Variants in DISP1 observed in about 807,000 individuals in gnomAD.
DISP1 encodes the protein dispatched RND transporter family member 1.
A neutral mutation model predicts 37.3 loss-of-function variants in DISP1; 30 were observed. The observed-to-expected ratio is 0.80, with a 90% CI of 0.60 to 1.09. DISP1 has a LOEUF of 1.09. DISP1 is among the 50% of genes least tolerant of loss of function. The pLI is 0.00. For missense variants in DISP1, 1,598 were observed against 1,879.5 expected (o/e 0.85, Z 2.77); for synonymous variants, 634 against 690.2 (o/e 0.92, Z 1.28).
At chr1:223,002,300 A>G in intron 8 of DISP1, 85 bp from the exon 9 acceptor site, 1 of 1,244,008 alleles carries the variant, frequency 8.0e-7, no homozygotes, top group Non-Finnish European at 1.2e-6. Context: ...GTCCCTCAAG[A>G]TCACCTTAGT....
intron 8 of DISP1, among the ~76,000 whole-genome samples, chr1:222,998,117 G>A (rs568605997): frequency 4.6e-5 from 7 of 151,722 alleles, no homozygotes; most frequent in South Asian, 4.2e-4. Flanking sequence ...TTAACAGTTC[G>A]ACTTTCAGAA....
intron 8 of DISP1, among the ~76,000 whole-genome samples, chr1:223,000,497 T>C (rs1679356290): frequency 6.6e-6 from 1 of 152,232 alleles, no homozygotes; most frequent in Non-Finnish European, 1.5e-5. Flanking sequence ...AAAGTAAATA[T>C]TATTTTAGTA....
At chr1:222,952,796 G>A (rs141018758) in intron 3 of DISP1, among the ~76,000 whole-genome samples, 2,090 of 152,200 alleles carry the variant, frequency 0.014, 44 homozygotes, top group African/African-American at 0.046. Flanking sequence ...GCAGTGAGCC[G>A]AGATCGCGCC....
rs1428517392 is a variant in DISP1 at position 222,834,518 on chromosome 1, C to T, written c.-159+19440C>T. On this transcript the variant is annotated intron_variant, in intron 1 of 8. Transcript: ENST00000675850. ...TGGGTCCAGGGAAAGATGATCTAGA[C>T]CATAAAGGCGTACACGAGGTCTTAC... 2.6e-5 allele frequency among the ~76,000 whole-genome samples: 4 copies of T among 152,092 alleles called. No individual in the cohort carries two copies. The East Asian group carries it at 7.7e-4, about 29-fold the overall frequency.
At chr1:222,895,264 A>G (rs749189035) in intron 1 of DISP1, among the ~76,000 whole-genome samples, 1 of 152,212 alleles carries the variant, frequency 6.6e-6, no homozygotes, top group Non-Finnish European at 1.5e-5. Flanking sequence ...TGAAGTTATC[A>G]GGGAAATTCT....
intron 1 of DISP1, among the ~76,000 whole-genome samples, chr1:222,834,092 CTT>C (rs1252571168): frequency 1.3e-5 from 2 of 152,266 alleles, no homozygotes; most frequent in East Asian, 3.9e-4. Context: ...AGAGTACAGA[CTT>C]TGTCTATTTT....
chr1:222,874,944 T>C lies in DISP1; in HGVS notation c.-158-53486T>C, dbSNP rs190857452. Among the ~76,000 whole-genome samples the C allele has an allele frequency of 1.7e-3, 259 of 152,164 alleles. 1 individual carries two copies. Among genetic ancestry groups the C allele is most frequent in the African/African-American group, 6.1e-3 (252 of 41,548 alleles). Reference sequence around the variant, plus strand: ...ACATACACATGGGTTTTTGGTGTTCTTACCACCTCTTAATACCTACTATTA... The same window carrying C: ...ACATACACATGGGTTTTTGGTGTTCCTACCACCTCTTAATACCTACTATTA... On this transcript the variant is annotated intron_variant, in intron 1 of 8. Coordinates refer to ENST00000675850, the MANE Select transcript of DISP1 (RefSeq NM_001377229.1).
Position 223,003,676 on chromosome 1 carries a change from CTTTT to C in DISP1, c.2280_2283del (p.Phe761SerfsTer28), listed in dbSNP as rs1401860927. On this transcript the variant is annotated frameshift_variant, in exon 9 of 9. Coordinates refer to ENST00000675850, the MANE Select transcript of DISP1 (RefSeq NM_001377229.1). LOFTEE classifies it low-confidence loss of function (END_TRUNC). The surrounding 1 kb of genome is among the most constrained non-coding windows in gnomAD (Gnocchi z 4.3). The stretch of plus-strand genomic sequence containing the variant: ...TTCCAGGTGTTCCGGTCGTCCCATC[CTTTT>C]GAGCGTTATGATGCTGAATACAAAA... 2 of 1,614,132 alleles carry C rather than the reference CTTTT, an allele frequency of 1.2e-6. No homozygotes were observed.
intron 1 of DISP1, among the ~76,000 whole-genome samples, chr1:222,845,070 TG>T (rs1292464890): frequency 6.6e-6 from 1 of 152,200 alleles, no homozygotes; most frequent in African/African-American, 2.4e-5. Flanking sequence ...AATGACTTTT[TG>T]TGATGTAGTG....
chr1:222,882,540 A>G (rs929331232), intron 1 of DISP1, among the ~76,000 whole-genome samples: 2 of 152,208 alleles, frequency 1.3e-5, no homozygotes, highest in African/African-American at 4.8e-5. Context: ...AAATATTACA[A>G]ATTTGCAGGT....
intron 1 of DISP1, among the ~76,000 whole-genome samples, chr1:222,889,930 CAT>C (rs1670850078): frequency 6.6e-6 from 1 of 152,014 alleles, no homozygotes; most frequent in Non-Finnish European, 1.5e-5. Flanking sequence ...GTTTTATTGG[CAT>C]ATGTTTCTAA....
rs554556919 is a variant in DISP1 at position 223,001,137 on chromosome 1, A to G, written c.988-1248A>G. 4.9e-4 allele frequency among the ~76,000 whole-genome samples: 74 copies of G among 152,254 alleles called. 2 individuals are homozygous for G. The South Asian group carries it at 0.014, about 29-fold the overall frequency. On this transcript the variant is annotated intron_variant, in intron 8 of 8. Coordinates refer to ENST00000675850, the MANE Select transcript of DISP1 (RefSeq NM_001377229.1). ...AATCTAGCAAACCAGTGATGGAACA[A>G]TTTTTCAATTTTTTATAACAATAGC... is the stretch of plus-strand genomic sequence containing the variant.
In DISP1 at chr1:222,888,977, A is replaced by G. The variant is rs148067446; in HGVS notation, c.-158-39453A>G. On this transcript the variant is annotated intron_variant, in intron 1 of 8. Coordinates refer to ENST00000675850, the MANE Select transcript of DISP1 (RefSeq NM_001377229.1). Reference sequence around the variant, plus strand: ...AGTGATGTTTCTATACATATAATGTATAGTGATCAATCTGATTACTTGGAA... The same window carrying G: ...AGTGATGTTTCTATACATATAATGTGTAGTGATCAATCTGATTACTTGGAA... Among the ~76,000 whole-genome samples the G allele has an allele frequency of 4.2e-3, 639 of 152,266 alleles. 13 individuals carry two copies. Among genetic ancestry groups the G allele is most frequent in the Admixed American group, 0.018 (275 of 15,300 alleles).
At chr1:222,994,576 C>T (rs750037631) in intron 7 of DISP1, among the ~76,000 whole-genome samples, 26 of 152,120 alleles carry the variant, frequency 1.7e-4, no homozygotes, top group Non-Finnish European at 2.5e-4. Context: ...ATATTCAATT[C>T]GTTTCCTGTT....
At chr1:222,953,674 A>G (rs1241922393) in intron 3 of DISP1, among the ~76,000 whole-genome samples, 3 of 152,218 alleles carry the variant, frequency 2.0e-5, no homozygotes, top group Admixed American at 2.0e-4. Context: ...AAAGTAGTCA[A>G]ATTAACTTTT....
At chr1:222,882,332 G>T (rs1670328873) in intron 1 of DISP1, among the ~76,000 whole-genome samples, 1 of 151,954 alleles carries the variant, frequency 6.6e-6, no homozygotes, top group Admixed American at 6.6e-5. Flanking sequence ...CTTCTTGAAG[G>T]TGTGAGAATT....
chr1:222,903,163 A>G (rs1671695312), intron 1 of DISP1, among the ~76,000 whole-genome samples: 1 of 151,922 alleles, frequency 6.6e-6, no homozygotes, highest in Non-Finnish European at 1.5e-5. Flanking sequence ...GACATGGATG[A>G]AACTGGAAAT....
intron 1 of DISP1, among the ~76,000 whole-genome samples, chr1:222,885,836 G>C (rs546797318): frequency 2.0e-5 from 3 of 152,102 alleles, no homozygotes; most frequent in African/African-American, 7.2e-5. Flanking sequence ...ATATAATGTA[G>C]CATTCAGAGT....
At chr1:222,943,554 T>G in intron 3 of DISP1, 1 of 612,476 alleles carries the variant, frequency 1.6e-6, no homozygotes, top group Non-Finnish European at 2.8e-6. Context: ...CCCTTCCCCT[T>G]TCCCTGTCTG....
Sources: gnomAD v4.1 joint callset for allele counts (sites outside exome capture counted in the v4.1 genomes callset) on GRCh38, gnomAD v4.1.1 for gene constraint, Gnocchi (gnomAD v3.1) non-coding constraint, MANE v1.5 for transcripts, NCBI Gene and HGNC (gene_info 2026-07-23, HGNC 2026-07-21) for gene names.